The following DMAP1 variants were observed in gnomAD, a reference collection of about 807,000 sequenced individuals.
DMAP1 encodes DNA methyltransferase 1-associated protein 1.
In DMAP1, 26 loss-of-function variants were observed where a neutral mutation model predicts 52.7. That is an observed-to-expected ratio of 0.49 (90% CI 0.36 to 0.68). DMAP1 has a LOEUF of 0.68. DMAP1 is among the 30% of genes least tolerant of loss of function. DMAP1 has a pLI of 0.00. For synonymous variants in DMAP1, 231 were observed against 246.0 expected (o/e 0.94, Z 0.57); for missense variants, 439 against 625.2 (o/e 0.70, Z 3.18).
intron 3 of DMAP1, chr1:44,215,214 C>T (rs1468294437): frequency 2.0e-6 from 1 of 507,646 alleles, no homozygotes; most frequent in East Asian, 5.4e-5. Context: ...AACCCTGTGG[C>T]TTCAGTTACC....
Position 44,214,366 on chromosome 1 carries a change from C to A in DMAP1, c.122C>A (p.Ser41Tyr), listed in dbSNP as rs1378787319. 9.9e-6 allele frequency: 16 copies of A among 1,613,902 alleles called. No homozygotes were observed. Among genetic ancestry groups the A allele is most frequent in the African/African-American group, 1.3e-5 (1 of 74,878 alleles). Reference sequence around the variant, plus strand: ...CTTCCTCAGAAAAAATCCAAGAAGTCCTCTGAGACACTGACTTTCAAGAGG... The same window carrying A: ...CTTCCTCAGAAAAAATCCAAGAAGTACTCTGAGACACTGACTTTCAAGAGG... Reference protein sequence around the residue: ...INPDKKKSKKSSETLTFKRPE... With the variant: ...INPDKKKSKKYSETLTFKRPE... Residue 41 changes from serine (S) to tyrosine (Y), a missense_variant, in exon 2 of 10, where the codon TCC becomes TAC. Around this residue, in one of 3 missense-constraint regions of DMAP1, gnomAD observed 118 missense variants for 189.8 expected, o/e 0.62. Transcript: ENST00000372289.
At chr1:44,219,541 C>T (rs540614577) in intron 7 of DMAP1, 64 bp downstream of exon 7, 2 of 1,466,800 alleles carry the variant, frequency 1.4e-6, no homozygotes, top group African/African-American at 2.8e-5. Flanking sequence ...CCATGTGTCC[C>T]AAACGCTGCA....
chr1:44,216,402 G>A (rs1227235628), intron 3 of DMAP1: 1 of 151,976 alleles, frequency 6.6e-6, no homozygotes, highest in Non-Finnish European at 1.5e-5. Flanking sequence ...GCTAATTTTT[G>A]TGTTTTTTTA....
In DMAP1 at chr1:44,218,994, C is replaced by T; in HGVS notation, c.721-62C>T. 6 of 1,588,944 alleles carry T rather than the reference C, an allele frequency of 3.8e-6. No individual in the cohort carries two copies. Among genetic ancestry groups the T allele is most frequent in the Non-Finnish European group, 5.2e-6 (6 of 1,164,556 alleles). Reference sequence around the variant, plus strand: ...CACAGACAGCCCAGCACCCTGTCACCTCCGTGTCTACCCTCACTCCTAGAA... The same window carrying T: ...CACAGACAGCCCAGCACCCTGTCACTTCCGTGTCTACCCTCACTCCTAGAA... On this transcript the variant is annotated intron_variant, in intron 5 of 9. Coordinates refer to ENST00000372289, the MANE Select transcript of DMAP1 (RefSeq NM_019100.5). The surrounding 1 kb of genome is among the most constrained non-coding windows in gnomAD (Gnocchi z 5.6).
Position 44,220,308 on chromosome 1 carries a change from C to T in DMAP1, c.1343C>T (p.Ser448Leu), listed in dbSNP as rs1643878235. The change falls in exon 9 of 10, where the codon TCG (serine) becomes TTG (leucine). Residue 448 changes from serine to leucine, a missense_variant and splice_region_variant. Ser to Leu is a moderately radical substitution (Grantham distance 145). Around this residue, in one of 3 missense-constraint regions of DMAP1, gnomAD observed 179 missense variants for 285.9 expected, o/e 0.63. Transcript: ENST00000372289. ...DVVGAPLTPN[S>L]RKRRESASSS... is the part of the protein sequence containing the mutation. ...GTGGGCGCACCCCTCACGCCCAATT[C>T]GGTAAGAGTCTGGACAGGCTGGGAG... The T allele has an allele frequency of 6.5e-7, 1 of 1,541,028 alleles. No homozygotes were observed. The highest frequency in any genetic ancestry group is 8.8e-7 in the Non-Finnish European group (1 of 1,140,136).
Position 44,213,916 on chromosome 1 carries a change from G to C in DMAP1, c.105+58G>C. The C allele has an allele frequency of 6.7e-7, 1 of 1,498,746 alleles. No homozygotes were observed. The highest frequency in any genetic ancestry group is 9.1e-7 in the Non-Finnish European group (1 of 1,099,696). 92.8% of individuals were successfully genotyped at this position (1,498,746 alleles called of 1,614,324 possible). On this transcript the variant is annotated intron_variant, in intron 1 of 9. Coordinates refer to ENST00000372289, the MANE Select transcript of DMAP1 (RefSeq NM_019100.5). This position sits in a 1 kb window ranked among gnomAD's most constrained non-coding sequence, Gnocchi z 4.5. ...GAGGGTAGGGGAGTGAAGATGGGGAGGAGTGACAACGGGCAAGGGATGGGT... is the reference window on the plus strand; with the variant it reads ...GAGGGTAGGGGAGTGAAGATGGGGACGAGTGACAACGGGCAAGGGATGGGT...
chr1:44,218,974 A>G lies in DMAP1; in HGVS notation c.721-82A>G. On this transcript the variant is annotated intron_variant, in intron 5 of 9. Transcript: ENST00000372289. This position sits in a 1 kb window ranked among gnomAD's most constrained non-coding sequence, Gnocchi z 5.6. ...CATTACTTCTCAGATTCCCTCACAG[A>G]CAGCCCAGCACCCTGTCACCTCCGT... 1.3e-6 allele frequency: 2 copies of G among 1,539,814 alleles called. No homozygotes were observed. Among genetic ancestry groups the G allele is most frequent in the African/African-American group, 1.4e-5 (1 of 72,984 alleles).
At chr1:44,216,215 C>G (rs1203726221) in intron 3 of DMAP1, 3 of 151,768 alleles carry the variant, frequency 2.0e-5, no homozygotes, top group Non-Finnish European at 4.4e-5. Flanking sequence ...ACTGGCTGCA[C>G]AGTTCCTGAG....
At chr1:44,215,778 T>TA (rs1643779698) in intron 3 of DMAP1, 1 of 174,602 alleles carries the variant, frequency 5.7e-6, no homozygotes, top group South Asian at 1.3e-4. Context: ...GCCAGCCCCC[T>TA]AGTCCAAGCT....
rs1643734445 is a variant in DMAP1 at position 44,213,943 on chromosome 1, C to T, written c.105+85C>T. 3 of 1,238,732 alleles carry T rather than the reference C, an allele frequency of 2.4e-6. No individual in the cohort carries two copies. In the Admixed American group the frequency reaches 6.2e-5, roughly 25 times the overall value. 76.7% of individuals were successfully genotyped at this position (1,238,732 alleles called of 1,614,324 possible). ...AGTGACAACGGGCAAGGGATGGGTG[C>T]TACACTTACAGTGAGTTGGGCGATA... On this transcript the variant is annotated intron_variant, in intron 1 of 9. Coordinates refer to ENST00000372289, the MANE Select transcript of DMAP1 (RefSeq NM_019100.5). The surrounding 1 kb of genome is among the most constrained non-coding windows in gnomAD (Gnocchi z 4.5).
chr1:44,219,506 TG>T lies in DMAP1; in HGVS notation c.978+32del, dbSNP rs765142563. The T allele has an allele frequency of 7.6e-5, 118 of 1,549,324 alleles. No homozygotes were observed. The African/African-American group carries it at 1.5e-3, about 19-fold the overall frequency. On this transcript the variant is annotated intron_variant, in intron 7 of 9. Transcript: ENST00000372289. ...CGTGAGTCACCTCCTTTAGCAAGTT[TG>T]GGTCCTGGGCTCTGCTCTGGGCTCC...
chr1:44,215,005 C>A, intron 3 of DMAP1, 107 bp downstream of exon 3: 4 of 1,282,644 alleles, frequency 3.1e-6, no homozygotes, highest in Non-Finnish European at 4.4e-6. Flanking sequence ...CGCTTATGCC[C>A]AACTGTGATT....
chr1:44,218,130 C>T lies in DMAP1; in HGVS notation c.394-181C>T. 4 of 768,414 alleles carry T rather than the reference C, an allele frequency of 5.2e-6. No individual in the cohort carries two copies. 47.6% of individuals were successfully genotyped at this position (768,414 alleles called of 1,614,324 possible). A position where few individuals can be genotyped will look rare whatever the true frequency, so the allele number is the denominator to read the frequency against. On this transcript the variant is annotated intron_variant, in intron 3 of 9. Transcript: ENST00000372289. This position sits in a 1 kb window ranked among gnomAD's most constrained non-coding sequence, Gnocchi z 5.6. ...CCTGGAATAAATCAGAGGCAGGCTA[C>T]AGTCCCAAACCCTGCTAGGACCTCT...
chr1:44,218,871 T>G lies in DMAP1; in HGVS notation c.720+116T>G. On this transcript the variant is annotated intron_variant, in intron 5 of 9. Transcript: ENST00000372289. The surrounding 1 kb of genome is among the most constrained non-coding windows in gnomAD (Gnocchi z 5.6). ...CCCCCTGCCTCCCACTGATACCTTA[T>G]TAACTGCCCCAAGCCCATTCCTACT... is the stretch of plus-strand genomic sequence containing the variant. The G allele has an allele frequency of 6.9e-7, 1 of 1,456,506 alleles. No individual in the cohort carries two copies. The highest frequency in any genetic ancestry group is 9.3e-7 in the Non-Finnish European group (1 of 1,077,190). 90.2% of individuals were successfully genotyped at this position (1,456,506 alleles called of 1,614,324 possible). A position where few individuals can be genotyped will look rare whatever the true frequency, so the allele number is the denominator to read the frequency against.
rs1643855766 is a variant in DMAP1, at chr1:44,219,227, G to T, written c.892G>T (p.Glu298Ter). 6.2e-7 allele frequency: 1 copy of T among 1,613,376 alleles called. No homozygotes were observed. Among genetic ancestry groups the T allele is most frequent in the Non-Finnish European group, 8.5e-7 (1 of 1,179,872 alleles). ...CAAAAAGAAGCTACCCCAGAAAAAG[G>T]AGGCTGAGAAGCCGGTGCGGAGGTT... ...APKKKLPQKK[E>*]AEKPAVPETA... The change falls in exon 6 of 10, where the codon GAG becomes TAG. Residue 298 changes from glutamate (E) to a stop codon, truncating the protein, a stop_gained. Coordinates refer to ENST00000372289, the MANE Select transcript of DMAP1 (RefSeq NM_019100.5). LOFTEE classifies it high-confidence loss of function.
At chr1:44,214,463 C>T in intron 2 of DMAP1, 22 bp downstream of exon 2, 3 of 1,613,650 alleles carry the variant, frequency 1.9e-6, no homozygotes, top group Non-Finnish European at 2.5e-6. Context: ...AGTCCCAAGT[C>T]CCCCAGGTTT....
chr1:44,214,973 C>T (rs770902315), intron 3 of DMAP1, 75 bp downstream of exon 3: 1 of 1,573,142 alleles, frequency 6.4e-7, no homozygotes. Flanking sequence ...TCTCCAGTCT[C>T]CTAGGGTTGG....
chr1:44,217,953 C>T, intron 3 of DMAP1: 1 of 380,736 alleles, frequency 2.6e-6, no homozygotes, highest in Non-Finnish European at 5.0e-6. Flanking sequence ...GGTTGCTGGG[C>T]CTTTCTCCAG....
At chr1:44,215,404 C>G (rs1390459215) in intron 3 of DMAP1, 5 of 447,108 alleles carry the variant, frequency 1.1e-5, no homozygotes, top group Non-Finnish European at 2.3e-5. Flanking sequence ...CTATCTTCCA[C>G]CCAGTTGCCC....
Sources: gnomAD v4.1 joint callset for allele counts on GRCh38, gnomAD v4.1.1 for gene constraint, gnomAD v4.1.1 regional missense constraint, Gnocchi (gnomAD v3.1) non-coding constraint, MANE v1.5 for transcripts, NCBI Gene and HGNC (gene_info 2026-07-23, HGNC 2026-07-21) for gene names.